FHIP1A: variants seen among roughly 807,000 people sequenced by gnomAD.
FHIP1A encodes the protein FHF complex subunit HOOK interacting protein 1A, also known as FHF complex subunit HOOK-interacting protein 1A.
A neutral mutation model predicts 88.6 loss-of-function variants in FHIP1A; 61 were observed. The ratio of observed to expected loss-of-function variants is 0.69; its 90% CI spans 0.56 to 0.85. The LOEUF is 0.85. Ranked by LOEUF, FHIP1A falls within the 40% of genes least tolerant of loss-of-function variation. FHIP1A has a pLI of 0.00. For missense variants in FHIP1A, 1,154 were observed against 1,273.5 expected (o/e 0.91, Z 1.43); for synonymous variants, 478 against 496.0 (o/e 0.96, Z 0.48).
At chr4:151,640,177 A>G (rs1736517877) in intron 9 of FHIP1A, among the ~76,000 whole-genome samples, 1 of 152,200 alleles carries the variant, frequency 6.6e-6, no homozygotes, top group African/African-American at 2.4e-5. Flanking sequence ...CTGATGCACT[A>G]CTAAGTTTGA....
intron 9 of FHIP1A, among the ~76,000 whole-genome samples, chr4:151,644,635 A>T (rs1736718988): frequency 6.6e-6 from 1 of 152,170 alleles, no homozygotes; most frequent in Non-Finnish European, 1.5e-5. Flanking sequence ...TGCAGGCATG[A>T]GGCACAGTAC....
At chr4:151,624,196 A>G (rs1227787926) in intron 7 of FHIP1A, among the ~76,000 whole-genome samples, 1 of 152,222 alleles carries the variant, frequency 6.6e-6, no homozygotes, top group Admixed American at 6.5e-5. Context: ...GCAGAAAAAC[A>G]ATCAACCAAA....
Position 151,492,546 on chromosome 4 carries a change from C to T in FHIP1A, c.-123+9898C>T, listed in dbSNP as rs147938088. On this transcript the variant is annotated intron_variant, in intron 3 of 13. Transcript: ENST00000435205. ...GGCATAGGTTGCAATGAGCTGAGAT[C>T]GTGTCATTGCACTCCAGCCTGGGTG... Among the ~76,000 whole-genome samples, 631 of 148,118 alleles carry T rather than the reference C, an allele frequency of 4.3e-3. 7 individuals carry two copies. Among genetic ancestry groups the T allele is most frequent in the African/African-American group, 0.014 (564 of 39,888 alleles).
At position 151,555,138 on chromosome 4, in the gene FHIP1A, CT is replaced by C. The variant is rs143516861; in HGVS notation, c.-122-10997del. ...TTTGATTCCCCCAGAGGCGTTGGCT[CT>C]TTGATCTTCTACTGGTGTAGCTCCT... On this transcript the variant is annotated intron_variant, in intron 3 of 13. Coordinates refer to ENST00000435205, the MANE Select transcript of FHIP1A (RefSeq NM_001109977.3). Among the ~76,000 whole-genome samples the C allele has an allele frequency of 5.3e-3, 806 of 152,220 alleles. 6 individuals carry two copies. The highest frequency in any genetic ancestry group is 0.019 in the African/African-American group (785 of 41,554).
chr4:151,516,158 C>T (rs1211487797), intron 3 of FHIP1A, among the ~76,000 whole-genome samples: 10 of 152,210 alleles, frequency 6.6e-5, no homozygotes, highest in Non-Finnish European at 1.2e-4. Context: ...ATGTCTACAA[C>T]TGTTTGATCT....
intron 5 of FHIP1A, among the ~76,000 whole-genome samples, chr4:151,584,034 G>A (rs144243046): frequency 1.3e-5 from 2 of 152,204 alleles, no homozygotes; most frequent in African/African-American, 2.4e-5. Flanking sequence ...TAATGAATAA[G>A]TAAATGAATG....
At chr4:151,469,082 C>G (rs1729425340) in intron 2 of FHIP1A, among the ~76,000 whole-genome samples, 1 of 152,158 alleles carries the variant, frequency 6.6e-6, no homozygotes. Flanking sequence ...TGAAAAGGCT[C>G]TATTGCCTTT....
intron 11 of FHIP1A, among the ~76,000 whole-genome samples, chr4:151,651,764 C>T (rs896534539): frequency 6.6e-6 from 1 of 152,176 alleles, no homozygotes; most frequent in East Asian, 1.9e-4. Flanking sequence ...CCAGCCTCCT[C>T]CTCCAGTATT....
At chr4:151,492,411 G>A (rs1730315263) in intron 3 of FHIP1A, among the ~76,000 whole-genome samples, 2 of 152,014 alleles carry the variant, frequency 1.3e-5, no homozygotes, top group South Asian at 4.2e-4. Flanking sequence ...GATCAATATG[G>A]TGAAACCCCG....
chr4:151,415,812 C>T (rs911634773), intron 1 of FHIP1A, among the ~76,000 whole-genome samples: 1 of 152,144 alleles, frequency 6.6e-6, no homozygotes, highest in Non-Finnish European at 1.5e-5. Context: ...GTAAGGTTCA[C>T]CTCATTTCCT....
chr4:151,410,210 G>C (rs1732560096), intron 1 of FHIP1A, among the ~76,000 whole-genome samples: 1 of 152,212 alleles, frequency 6.6e-6, no homozygotes, highest in African/African-American at 2.4e-5. Flanking sequence ...TAGTGTCCCA[G>C]CCTCCTGGAC....
At chr4:151,604,751 C>T (rs565133390) in intron 7 of FHIP1A, among the ~76,000 whole-genome samples, 85 of 151,538 alleles carry the variant, frequency 5.6e-4, no homozygotes, top group Middle Eastern at 6.8e-3. Context: ...CAGGAGGCTG[C>T]AGCAGGAGAA....
At chr4:151,460,217 C>G (rs112181407) in intron 2 of FHIP1A, among the ~76,000 whole-genome samples, 2 of 151,960 alleles carry the variant, frequency 1.3e-5, no homozygotes, top group African/African-American at 4.8e-5. Context: ...AGAGGCCCTG[C>G]GTTAAAGGTC....
At chr4:151,609,892 A>C (rs867124025) in intron 7 of FHIP1A, among the ~76,000 whole-genome samples, 66 of 152,328 alleles carry the variant, frequency 4.3e-4, no homozygotes, top group East Asian at 1.3e-3. Flanking sequence ...CCAAAAAAAA[A>C]CAAAAAACCC....
intron 3 of FHIP1A, among the ~76,000 whole-genome samples, chr4:151,517,895 A>G (rs974437660): frequency 6.6e-6 from 1 of 152,218 alleles, no homozygotes; most frequent in African/African-American, 2.4e-5. Flanking sequence ...TGTTTTAGGC[A>G]AAGTGTTAAT....
At chr4:151,421,977 G>T (rs1369805831) in intron 1 of FHIP1A, among the ~76,000 whole-genome samples, 3 of 151,928 alleles carry the variant, frequency 2.0e-5, no homozygotes, top group Non-Finnish European at 4.4e-5. Flanking sequence ...GCAAAATCTT[G>T]TTCTACTAGG....
chr4:151,536,652 T>C (rs9917912), intron 3 of FHIP1A, among the ~76,000 whole-genome samples: 22,028 of 152,214 alleles, frequency 0.14, 1,879 homozygotes, highest in African/African-American at 0.24. Context: ...TTACTTTTTA[T>C]TGCTGAGTGG....
chr4:151,431,537 A>G (rs1733592580), intron 1 of FHIP1A, among the ~76,000 whole-genome samples: 2 of 152,050 alleles, frequency 1.3e-5, no homozygotes, highest in African/African-American at 4.8e-5. Flanking sequence ...GGGAAAGAGA[A>G]TTACTTTTCT....
chr4:151,586,992 G>GA (rs1033713371), intron 6 of FHIP1A, among the ~76,000 whole-genome samples, 193 bp downstream of exon 6: 2 of 151,756 alleles, frequency 1.3e-5, no homozygotes, highest in Admixed American at 6.6e-5. Flanking sequence ...TTTTAACTGA[G>GA]AAAAAAAATG....
Sources: allele counts gnomAD v4.1 joint callset (sites outside exome capture counted in the v4.1 genomes callset), GRCh38; gene constraint gnomAD v4.1.1; transcripts MANE v1.5; gene names NCBI Gene and HGNC (gene_info 2026-07-23, HGNC 2026-07-21).